C3: variants seen among roughly 807,000 people sequenced by gnomAD.
C3 encodes complement C3, also known as C3 and PZP-like alpha-2-macroglobulin domain-containing protein 1.
In C3, 97 loss-of-function variants were observed where a neutral mutation model predicts 207.9. The observed-to-expected ratio is 0.47, with a 90% CI of 0.40 to 0.55. The LOEUF is 0.55. Among genes scored for constraint, C3 ranks in the 20% least tolerant of loss-of-function variants. The pLI, the probability that C3 is intolerant of heterozygous loss-of-function variation, is 0.00. For missense variants in C3, 1,684 were observed against 2,171.7 expected, an observed-to-expected ratio of 0.78 and a Z score of 4.46; for synonymous variants, 848 against 857.6, an observed-to-expected ratio of 0.99 and a Z score of 0.20.
Position 6,719,144 on chromosome 19 carries a change from T to C in C3, c.267+67A>G, listed in dbSNP as rs1395120075. ...AGGGAGAAGACAGAAGGGGAGGGGC[T>C]CAGGAGGAGGGGGGGAGTGGGCGTG... On this transcript the variant is annotated intron_variant, in intron 2 of 40. Coordinates refer to ENST00000245907, the MANE Select transcript of C3 (RefSeq NM_000064.4). This position sits in a 1 kb window ranked among gnomAD's most constrained non-coding sequence, Gnocchi z 5.4. 4 of 1,342,882 alleles carry C rather than the reference T, an allele frequency of 3.0e-6. No individual in the cohort carries two copies. The highest frequency in any genetic ancestry group is 4.2e-6 in the Non-Finnish European group (4 of 949,444). 83.2% of individuals were successfully genotyped at this position (1,342,882 alleles called of 1,614,324 possible).
chr19:6,700,560 G>A (rs1313333086), intron 19 of C3, among the ~76,000 whole-genome samples: 1 of 25,832 alleles, frequency 3.9e-5, no homozygotes, highest in Non-Finnish European at 5.9e-5. Flanking sequence ...TATAATATAT[G>A]TAATATATGA....
At position 6,697,394 on chromosome 19, in the gene C3, C is replaced by T. The variant is rs748941246; in HGVS notation, c.2746G>A (p.Val916Ile). ...GLQEVEVKAA[V>I]YHHFISDGVR... is the part of the protein sequence containing the mutation. ...CCGTCACTGATGAAATGATGGTAGA[C>T]AGCAGCCTTGACTTCCACTTCCTGC... The change falls in exon 21 of 41, where the codon GTC (valine) becomes ATC (isoleucine). Residue 916 changes from valine to isoleucine, a missense_variant. Transcript: ENST00000245907. 1.1e-5 allele frequency: 18 copies of T among 1,613,934 alleles called. No individual in the cohort carries two copies. Among genetic ancestry groups the T allele is most frequent in the East Asian group, 1.1e-4 (5 of 44,876 alleles).
At position 6,718,242 on chromosome 19, in the gene C3, C is replaced by A; in HGVS notation, c.433+5G>T. 6.2e-7 allele frequency: 1 copy of A among 1,614,218 alleles called. No individual in the cohort carries two copies. The highest frequency in any genetic ancestry group is 2.2e-5 in the East Asian group (1 of 44,888). On this transcript the variant is annotated splice_donor_5th_base_variant and intron_variant, in intron 3 of 40. Transcript: ENST00000245907. ...CCCGCCCTCTCCAGCCGCCCCCAGCCTCACCTGTGGAGCCAGGGGTGTAGA... is the reference window on the plus strand; with the variant it reads ...CCCGCCCTCTCCAGCCGCCCCCAGCATCACCTGTGGAGCCAGGGGTGTAGA...
Position 6,686,213 on chromosome 19 carries a change from GT to G in C3, c.3720del (p.Leu1241CysfsTer3). ...VEATSYALLA[L>X]LQLKDFDFVP... Reference sequence around the variant, plus strand: ...ACAAAGTCAAAGTCTTTTAGCTGCAGTAGGGCCAAGAGGGCATAGGATGTGG... The same window carrying G: ...ACAAAGTCAAAGTCTTTTAGCTGCAGAGGGCCAAGAGGGCATAGGATGTGG... On this transcript the variant is annotated frameshift_variant, in exon 29 of 41. Coordinates refer to ENST00000245907, the MANE Select transcript of C3 (RefSeq NM_000064.4). LOFTEE classifies it high-confidence loss of function. The G allele has an allele frequency of 6.2e-7, 1 of 1,614,206 alleles. No individual in the cohort carries two copies. The highest frequency in any genetic ancestry group is 8.5e-7 in the Non-Finnish European group (1 of 1,180,032).
chr19:6,700,296 AT>A lies in C3; in HGVS notation c.2440+1830del, dbSNP rs1175150651. ...CAACATATAACATATTATATATGTG[AT>A]ATGCAATATATATTATATGTAATAT... On this transcript the variant is annotated intron_variant, in intron 19 of 40. Transcript: ENST00000245907. Among the ~76,000 whole-genome samples the A allele has an allele frequency of 3.2e-5, 2 of 62,704 alleles. 1 individual carries two copies. Among genetic ancestry groups the A allele is most frequent in the African/African-American group, 1.4e-4 (2 of 14,426 alleles). The allele number at this position is 62,704 out of a possible 152,430, so 41.1% of individuals were successfully genotyped here.
intron 14 of C3, 73 bp downstream of exon 14, chr19:6,709,611 T>TTGCCCCCCCCCCCCCC: frequency 9.0e-7 from 1 of 1,109,450 alleles, no homozygotes; most frequent in Non-Finnish European, 1.4e-6. Context: ...CCCTCTCCAG[T>TTGCCCCCCCCCCCCCC]CCCACCCACC....
rs759914285 is a variant in C3, at chr19:6,709,760, C to G, written c.1769G>C (p.Gly590Ala). 6.2e-7 allele frequency: 1 copy of G among 1,614,068 alleles called. No individual in the cohort carries two copies. The highest frequency in any genetic ancestry group is 2.2e-5 in the East Asian group (1 of 44,874). The change falls in exon 14 of 41, where the codon GGG becomes GCG. Residue 590 changes from glycine to alanine, a missense_variant. By Grantham distance (60) the Gly-to-Ala change is moderately conservative. Around this residue, in one of 3 missense-constraint regions of C3, gnomAD observed 1,280 missense variants for 1,739.1 expected, o/e 0.74. Coordinates refer to ENST00000245907, the MANE Select transcript of C3 (RefSeq NM_000064.4). ...QMTLKIEGDH[G>A]ARVVLVAVDK... Reference sequence around the variant, plus strand: ...CACGGCCACCAGTACCACCCGGGCCCCGTGGTCACCCTCTATCTTCAGGGT... The same window carrying G: ...CACGGCCACCAGTACCACCCGGGCCGCGTGGTCACCCTCTATCTTCAGGGT...
rs1306521442 is a variant in C3 at position 6,719,398 on chromosome 19, G to A, written c.80C>T (p.Ser27Phe). 1 of 1,613,832 alleles carries A rather than the reference G, an allele frequency of 6.2e-7. No individual in the cohort carries two copies. Among genetic ancestry groups the A allele is most frequent in the Non-Finnish European group, 8.5e-7 (1 of 1,179,926 alleles). The change falls in exon 2 of 41, where the codon TCT becomes TTT. Residue 27 changes from serine (S) to phenylalanine (F), a missense_variant. This residue lies in a region of C3 where 58 missense variants were observed against 52.5 expected (regional missense o/e 1.10). Coordinates refer to ENST00000245907, the MANE Select transcript of C3 (RefSeq NM_000064.4). The surrounding 1 kb of genome is among the most constrained non-coding windows in gnomAD (Gnocchi z 5.4). ...CCGCAAGATGTTGGGGGTGATGATA[G>A]AGTACCTGTCGGAGTGGGGCACGGG... ...LPLALGSPMY[S>F]IITPNILRLE... is the part of the protein sequence containing the mutation.
At chr19:6,717,431 T>TGC (rs796893591) in intron 4 of C3, 13 of 147,126 alleles carry the variant, frequency 8.8e-5, no homozygotes, top group Admixed American at 3.9e-4. Context: ...TGTGTGTGTG[T>TGC]GCGCGCCATA....
At chr19:6,709,611 T>TCTCC in intron 14 of C3, 73 bp downstream of exon 14, 2 of 1,109,446 alleles carry the variant, frequency 1.8e-6, no homozygotes, top group South Asian at 1.2e-5. Context: ...CCCTCTCCAG[T>TCTCC]CCCACCCACC....
Position 6,678,366 on chromosome 19 carries a change from C to A in C3, c.4714+6G>T. On this transcript the variant is annotated splice_donor_region_variant and intron_variant, in intron 39 of 40. Coordinates refer to ENST00000245907, the MANE Select transcript of C3 (RefSeq NM_000064.4). ...GAGCCACGGGAGGCAGCGTGCTGAG[C>A]CTGACCTGACTTGATGGTCTGCTCA... The A allele has an allele frequency of 6.2e-7, 1 of 1,614,142 alleles. No homozygotes were observed. The highest frequency in any genetic ancestry group is 8.5e-7 in the Non-Finnish European group (1 of 1,180,004).
chr19:6,702,078 A>G lies in C3; in HGVS notation c.2440+49T>C, dbSNP rs762886222. The G allele has an allele frequency of 7.3e-6, 7 of 963,720 alleles. No individual in the cohort carries two copies. The South Asian group carries it at 9.0e-5, about 12-fold the overall frequency. 59.7% of individuals were successfully genotyped at this position (963,720 alleles called of 1,614,324 possible). A position where few individuals can be genotyped will look rare whatever the true frequency, so the allele number is the denominator to read the frequency against. ...TTGGATAAAATGAGATGACACTCAG[A>G]CACCCTGGGGTCCCTGCCTCCCGGG... On this transcript the variant is annotated intron_variant, in intron 19 of 40. Coordinates refer to ENST00000245907, the MANE Select transcript of C3 (RefSeq NM_000064.4).
Position 6,696,592 on chromosome 19 carries a change from C to T in C3, c.2863+1G>A. 1 of 1,614,004 alleles carries T rather than the reference C, an allele frequency of 6.2e-7. No individual in the cohort carries two copies. The highest frequency in any genetic ancestry group is 8.5e-7 in the Non-Finnish European group (1 of 1,179,898). Reference sequence around the variant, plus strand: ...AGCCCCTCCCCCTGCAGCCGACTCACCACGGCCCAGGCGTTCTGGATCCAG... The same window carrying T: ...AGCCCCTCCCCCTGCAGCCGACTCATCACGGCCCAGGCGTTCTGGATCCAG... On this transcript the variant is annotated splice_donor_variant, in intron 22 of 40. Transcript: ENST00000245907. LOFTEE classifies it high-confidence loss of function.
Position 6,694,597 on chromosome 19 carries a change from G to A in C3, c.2988C>T (p.Asp996=), listed in dbSNP as rs774319618. 12 of 1,613,626 alleles carry A rather than the reference G, an allele frequency of 7.4e-6. No individual in the cohort carries two copies. The highest frequency in any genetic ancestry group is 2.2e-5 in the South Asian group (2 of 91,090). ...CAATGAGGTGCTTCAGCCGTTCCGC[G>A]TCGACGGCATCCTCTGTCATCTGGG... The part of the protein sequence containing the change: ...PVAQMTEDAV[D]AERLKHLIVT... The change falls in exon 24 of 41, where the codon GAC becomes GAT. Residue 996 remains aspartate (D), a synonymous_variant. Transcript: ENST00000245907.
intron 27 of C3, among the ~76,000 whole-genome samples, chr19:6,689,089 G>T (rs922504052): frequency 6.6e-6 from 1 of 152,182 alleles, no homozygotes; most frequent in Non-Finnish European, 1.5e-5. Flanking sequence ...ATCTCTATTT[G>T]ATGCCTTGGT....
At position 6,708,721 on chromosome 19, in the gene C3, C is replaced by T. The variant is rs1967842823; in HGVS notation, c.1846-792G>A. On this transcript the variant is annotated intron_variant, in intron 14 of 40. Coordinates refer to ENST00000245907, the MANE Select transcript of C3 (RefSeq NM_000064.4). Reference sequence around the variant, plus strand: ...TTTTTTTTTAAGTTGGGATTTTCCACTGTCTCCCAGGCTGGAGTGCAGTGG... The same window carrying T: ...TTTTTTTTTAAGTTGGGATTTTCCATTGTCTCCCAGGCTGGAGTGCAGTGG... Among the ~76,000 whole-genome samples the T allele has an allele frequency of 5.1e-5, 7 of 136,140 alleles. No homozygotes were observed. In the Admixed American group the frequency reaches 5.7e-4, roughly 11 times the overall value. The allele number at this position is 136,140 out of a possible 152,430, so 89.3% of individuals were successfully genotyped here.
chr19:6,717,571 T>G (rs933744624), intron 4 of C3: 1 of 240,288 alleles, frequency 4.2e-6, no homozygotes, highest in East Asian at 1.0e-4. Flanking sequence ...TGTGTTGTGT[T>G]TTGTGTGTGT....
At chr19:6,682,373 C>A in intron 33 of C3, 144 bp from the exon 34 acceptor site, 1 of 699,332 alleles carries the variant, frequency 1.4e-6, no homozygotes, top group Non-Finnish European at 2.6e-6. Context: ...TTTTAGGAAA[C>A]ATTTCCCCAA....
chr19:6,717,740 G>C (rs1383263896), intron 4 of C3: 24 of 356,944 alleles, frequency 6.7e-5, no homozygotes, highest in Non-Finnish European at 5.0e-5. Flanking sequence ...TGTGTGTTGT[G>C]TGTTGTGTGT....
Sources: gnomAD v4.1 joint callset for allele counts (sites outside exome capture counted in the v4.1 genomes callset) on GRCh38, gnomAD v4.1.1 for gene constraint, gnomAD v4.1.1 regional missense constraint, Gnocchi (gnomAD v3.1) non-coding constraint, MANE v1.5 for transcripts, NCBI Gene and HGNC (gene_info 2026-07-23, HGNC 2026-07-21) for gene names.